OSBPL6: variants seen among roughly 807,000 people sequenced by gnomAD.
The protein encoded by OSBPL6 is oxysterol-binding protein-related protein 6.
A neutral mutation model predicts 125.8 loss-of-function variants in OSBPL6; 49 were observed. That is an observed-to-expected ratio of 0.39 (90% confidence interval 0.31 to 0.49). OSBPL6 has a LOEUF of 0.49. Ranked by LOEUF, OSBPL6 falls within the 20% of genes least tolerant of loss-of-function variation. OSBPL6 has a pLI of 0.88. For missense variants in OSBPL6, 986 were observed against 1,135.4 expected (o/e 0.87, Z 1.89); for synonymous variants, 394 against 391.8 (o/e 1.01, Z -0.07).
intron 24 of OSBPL6, among the ~76,000 whole-genome samples, chr2:178,394,856 A>G (rs1695709386): frequency 6.6e-6 from 1 of 152,204 alleles, no homozygotes; most frequent in Admixed American, 6.5e-5. Flanking sequence ...GTATGATAGT[A>G]GGTGATTATT....
chr2:178,284,835 G>A, intron 1 of OSBPL6, 92 bp from the exon 2 acceptor site: 1 of 389,232 alleles, frequency 2.6e-6, no homozygotes, highest in East Asian at 3.6e-5. Flanking sequence ...TAAATTGGGA[G>A]GAATTTTCTG....
intron 5 of OSBPL6, among the ~76,000 whole-genome samples, chr2:178,331,099 G>A (rs1010729023): frequency 4.6e-5 from 7 of 152,108 alleles, no homozygotes; most frequent in Admixed American, 2.6e-4. Flanking sequence ...TTCTGTAATG[G>A]ACATGAACAT....
At chr2:178,316,681 A>G (rs1687764467) in intron 3 of OSBPL6, among the ~76,000 whole-genome samples, 1 of 152,226 alleles carries the variant, frequency 6.6e-6, no homozygotes, top group Non-Finnish European at 1.5e-5. Flanking sequence ...ATAAAAAACA[A>G]TACAGTATAA....
At chr2:178,207,154 G>A (rs1288428606) in intron 1 of OSBPL6, among the ~76,000 whole-genome samples, 3 of 152,194 alleles carry the variant, frequency 2.0e-5, no homozygotes, top group Admixed American at 6.5e-5. Context: ...TGGCAGAGTG[G>A]TATACTGGTT....
At position 178,384,158 on chromosome 2, in the gene OSBPL6, C is replaced by T; in HGVS notation, c.1995C>T (p.Phe665=). ...TYECIREDKG[F]RFFSEQVSHH... ...AATGCATTAGAGAAGACAAGGGATT[C>T]CGCTTTTTCTCAGAACAGGTAAGCG... Residue 665 remains phenylalanine (F), a synonymous_variant, in exon 18 of 25, where the codon TTC becomes TTT. Coordinates refer to ENST00000190611, the MANE Select transcript of OSBPL6 (RefSeq NM_032523.4). 1 of 1,613,884 alleles carries T rather than the reference C, an allele frequency of 6.2e-7. No individual in the cohort carries two copies. Among genetic ancestry groups the T allele is most frequent in the South Asian group, 1.1e-5 (1 of 91,030 alleles).
intron 1 of OSBPL6, among the ~76,000 whole-genome samples, chr2:178,256,048 A>G (rs1298121691): frequency 6.6e-6 from 1 of 152,132 alleles, no homozygotes; most frequent in African/African-American, 2.4e-5. Flanking sequence ...CCTCTTGGGT[A>G]TCTCCTCTCT....
chr2:178,205,650 A>C (rs967147430), intron 1 of OSBPL6, among the ~76,000 whole-genome samples: 3 of 152,232 alleles, frequency 2.0e-5, no homozygotes, highest in African/African-American at 7.2e-5. Flanking sequence ...CAGAGGACAA[A>C]AAATCAAGCA....
intron 2 of OSBPL6, among the ~76,000 whole-genome samples, chr2:178,298,966 T>C (rs1010404119): frequency 6.6e-6 from 1 of 152,206 alleles, no homozygotes; most frequent in Non-Finnish European, 1.5e-5. Flanking sequence ...TGAGTCATCA[T>C]TTAAGGTCAC....
chr2:178,242,635 C>G (rs1239166233), intron 1 of OSBPL6, among the ~76,000 whole-genome samples: 1 of 152,094 alleles, frequency 6.6e-6, no homozygotes, highest in Admixed American at 6.5e-5. Flanking sequence ...CAAAGTCAAC[C>G]CTGGAATTAG....
intron 1 of OSBPL6, among the ~76,000 whole-genome samples, chr2:178,199,734 A>C (rs1475731668): frequency 6.6e-6 from 1 of 152,192 alleles, no homozygotes; most frequent in African/African-American, 2.4e-5. Context: ...GTTGATAAAT[A>C]TACAATTTTT....
rs148619288 is a variant in OSBPL6, at chr2:178,207,675, C to G, written c.-351+13001C>G. On this transcript the variant is annotated intron_variant, in intron 1 of 24. Transcript: ENST00000190611. Reference sequence around the variant, plus strand: ...TGCCATGAGTATGCAGGGGAAGTCACCTATGAGAACCTCTTGTGTGCTGAC... The same window carrying G: ...TGCCATGAGTATGCAGGGGAAGTCAGCTATGAGAACCTCTTGTGTGCTGAC... Among the ~76,000 whole-genome samples the G allele has an allele frequency of 1.3e-5, 2 of 152,086 alleles. 1 individual carries two copies. The highest frequency in any genetic ancestry group is 3.9e-4 in the East Asian group (2 of 5,172).
At chr2:178,346,651 G>A (rs995872378) in intron 11 of OSBPL6, among the ~76,000 whole-genome samples, 3 of 152,046 alleles carry the variant, frequency 2.0e-5, no homozygotes, top group Admixed American at 2.0e-4. Context: ...GAGAGCTGTA[G>A]GCAGCTCCCA....
At chr2:178,326,673 C>T (rs1688719848) in intron 4 of OSBPL6, among the ~76,000 whole-genome samples, 1 of 152,072 alleles carries the variant, frequency 6.6e-6, no homozygotes, top group Admixed American at 6.6e-5. Context: ...GTAACATTAT[C>T]CACAGCATTT....
intron 19 of OSBPL6, among the ~76,000 whole-genome samples, chr2:178,386,273 A>G (rs1366126704): frequency 6.6e-6 from 1 of 152,172 alleles, no homozygotes; most frequent in Non-Finnish European, 1.5e-5. Context: ...TCTTGTGGAG[A>G]TGGCACGAAG....
At chr2:178,235,567 C>T (rs535085817) in intron 1 of OSBPL6, among the ~76,000 whole-genome samples, 75 of 151,774 alleles carry the variant, frequency 4.9e-4, no homozygotes, top group African/African-American at 1.5e-3. Flanking sequence ...CCACTACGCC[C>T]GGCTAATTTT....
At chr2:178,226,232 C>A (rs563736581) in intron 1 of OSBPL6, among the ~76,000 whole-genome samples, 1 of 152,286 alleles carries the variant, frequency 6.6e-6, no homozygotes, top group South Asian at 2.1e-4. Context: ...GCTGGTGGCT[C>A]CTGTGAGCCA....
intron 12 of OSBPL6, among the ~76,000 whole-genome samples, chr2:178,360,381 C>T (rs1028286419): frequency 5.3e-5 from 8 of 151,606 alleles, no homozygotes; most frequent in African/African-American, 1.5e-4. Context: ...GGTGGGGGGG[C>T]GGGAAATGGA....
chr2:178,321,420 T>TA (rs969926278), intron 3 of OSBPL6, among the ~76,000 whole-genome samples: 1 of 152,144 alleles, frequency 6.6e-6, no homozygotes, highest in Non-Finnish European at 1.5e-5. Flanking sequence ...GCTGCTGGTG[T>TA]AAAAAAATAC....
intron 12 of OSBPL6, among the ~76,000 whole-genome samples, chr2:178,355,095 A>C (rs1440026461): frequency 6.6e-6 from 1 of 152,228 alleles, no homozygotes; most frequent in Non-Finnish European, 1.5e-5. Context: ...CAGTATGTAG[A>C]GGGAAATTTA....
Sources: allele counts gnomAD v4.1 joint callset (sites outside exome capture counted in the v4.1 genomes callset), GRCh38; gene constraint gnomAD v4.1.1; transcripts MANE v1.5; gene names NCBI Gene and HGNC (gene_info 2026-07-23, HGNC 2026-07-21).